Variants in TNS3 observed in about 807,000 individuals in gnomAD.
TNS3 encodes tensin 3.
A neutral mutation model predicts 140.9 loss-of-function variants in TNS3; 45 were observed. The observed-to-expected ratio is 0.32, with a 90% CI of 0.25 to 0.41. The LOEUF (loss-of-function observed/expected upper bound fraction) is 0.41, where lower values mean the gene tolerates loss of function less well. TNS3 is among the 10% of genes least tolerant of loss of function. TNS3 has a pLI of 1.00. For synonymous variants in TNS3, 815 were observed against 788.4 expected, an observed-to-expected ratio of 1.03 and a Z score of -0.56; for missense variants, 1,716 against 1,906.7, an observed-to-expected ratio of 0.90 and a Z score of 1.86.
At chr7:47,560,874 G>A (rs1048209100) in intron 1 of TNS3, among the ~76,000 whole-genome samples, 1 of 152,162 alleles carries the variant, frequency 6.6e-6, no homozygotes, top group African/African-American at 2.4e-5. Context: ...AAGCAACCCT[G>A]TGTGACCTTG....
At chr7:47,439,093 A>C (rs1795332563) in intron 6 of TNS3, among the ~76,000 whole-genome samples, 1 of 152,170 alleles carries the variant, frequency 6.6e-6, no homozygotes, top group Non-Finnish European at 1.5e-5. Context: ...TTGGGTGCCC[A>C]CCTAATTTGT....
intron 4 of TNS3, among the ~76,000 whole-genome samples, chr7:47,459,106 G>A (rs1355368774): frequency 6.6e-6 from 1 of 152,188 alleles, no homozygotes; most frequent in Non-Finnish European, 1.5e-5. Flanking sequence ...CAATTATCCA[G>A]ATGGAACATA....
chr7:47,492,927 T>G (rs1797866657), intron 3 of TNS3, among the ~76,000 whole-genome samples: 1 of 152,110 alleles, frequency 6.6e-6, no homozygotes, highest in Non-Finnish European at 1.5e-5. Context: ...GGCACTGAGC[T>G]CACAGGGAGC....
intron 4 of TNS3, among the ~76,000 whole-genome samples, chr7:47,480,842 C>A (rs1045471298): frequency 1.4e-4 from 22 of 152,308 alleles, no homozygotes; most frequent in African/African-American, 5.3e-4. Flanking sequence ...GGGAGATTCG[C>A]CCCGAAGGTA....
chr7:47,365,262 T>A (rs780175749), intron 17 of TNS3, among the ~76,000 whole-genome samples: 1 of 151,776 alleles, frequency 6.6e-6, no homozygotes, highest in Non-Finnish European at 1.5e-5. Flanking sequence ...TTGGCCAATA[T>A]GGTGAAACCC....
intron 16 of TNS3, among the ~76,000 whole-genome samples, chr7:47,389,104 GGAAGCAGAAGAAGAAGAAGAAGAA>G (rs1792328071): frequency 3.3e-5 from 1 of 29,982 alleles, no homozygotes. Flanking sequence ...AAGAGGAAGC[GGAAGCAGAAGAAGAAGAAGAAGAA>G]GAAGAAGAAG....
At position 47,283,874 on chromosome 7, in the gene TNS3, C is replaced by T. The variant is rs778898095; in HGVS notation, c.3929-9G>A. ...GTACCACACATTGCAGGCTGGAAGA[C>T]ACCAAGGGAGACACATGTTAGTTGC... On this transcript the variant is annotated splice_polypyrimidine_tract_variant and intron_variant, in intron 27 of 30. Transcript: ENST00000311160. 1 of 1,569,426 alleles carries T rather than the reference C, an allele frequency of 6.4e-7. No homozygotes were observed. The highest frequency in any genetic ancestry group is 8.6e-7 in the Non-Finnish European group (1 of 1,160,040).
intron 4 of TNS3, among the ~76,000 whole-genome samples, chr7:47,468,302 G>A (rs537794360): frequency 2.0e-5 from 3 of 152,244 alleles, no homozygotes; most frequent in Non-Finnish European, 4.4e-5. Context: ...TCATCCAGGC[G>A]TGGTGGCACA....
At chr7:47,527,195 C>T (rs1799228908) in intron 2 of TNS3, among the ~76,000 whole-genome samples, 1 of 152,116 alleles carries the variant, frequency 6.6e-6, no homozygotes, top group Admixed American at 6.5e-5. Flanking sequence ...CGAGATCGCG[C>T]CACTGCACTG....
rs1192645091 is a variant in TNS3, at chr7:47,365,095, G to A, written c.2281+3270C>T. 2.0e-5 allele frequency among the ~76,000 whole-genome samples: 3 copies of A among 152,174 alleles called. No individual in the cohort carries two copies. The East Asian group carries it at 5.8e-4, about 29-fold the overall frequency. On this transcript the variant is annotated intron_variant, in intron 17 of 30. Transcript: ENST00000311160. ...TATGAAAGTCCTTAGACTTCAAAAT[G>A]ATAATTAAATAACTTTTATAATAAA...
intron 4 of TNS3, among the ~76,000 whole-genome samples, chr7:47,460,664 C>G (rs996663924): frequency 6.6e-6 from 1 of 152,218 alleles, no homozygotes; most frequent in African/African-American, 2.4e-5. Flanking sequence ...GGTGTGGGGC[C>G]GGAATGGCCC....
At chr7:47,511,584 C>G (rs549069956) in intron 2 of TNS3, among the ~76,000 whole-genome samples, 1 of 151,730 alleles carries the variant, frequency 6.6e-6, no homozygotes, top group Non-Finnish European at 1.5e-5. Context: ...AGGACCCTAG[C>G]AGTGGGTGCC....
chr7:47,415,010 A>C, intron 11 of TNS3, 84 bp downstream of exon 11: 1 of 1,010,600 alleles, frequency 9.9e-7, no homozygotes, highest in East Asian at 2.8e-5. Context: ...AGGAAAGCCG[A>C]GGCTTATCTA....
At chr7:47,441,444 G>C (rs1281207219) in intron 5 of TNS3, among the ~76,000 whole-genome samples, 1 of 152,278 alleles carries the variant, frequency 6.6e-6, no homozygotes, top group Admixed American at 6.5e-5. Flanking sequence ...CCAAAGTGCT[G>C]GGATTACAAG....
chr7:47,313,496 C>T (rs909159910), intron 20 of TNS3, among the ~76,000 whole-genome samples: 6 of 152,266 alleles, frequency 3.9e-5, no homozygotes, highest in African/African-American at 1.4e-4. Flanking sequence ...GTTTATTAAT[C>T]AAGTTTAATA....
chr7:47,414,146 G>A (rs1042730514), intron 11 of TNS3, 149 bp from the exon 12 acceptor site: 2 of 769,910 alleles, frequency 2.6e-6, no homozygotes, highest in Non-Finnish European at 4.3e-6. Flanking sequence ...GGAGCCACAG[G>A]GTTGCTGCAG....
chr7:47,393,772 C>A (rs1488781711), intron 16 of TNS3, among the ~76,000 whole-genome samples: 2 of 152,164 alleles, frequency 1.3e-5, no homozygotes, highest in Non-Finnish European at 2.9e-5. Flanking sequence ...GTGTACCTGG[C>A]TGCCTTGGCG....
chr7:47,332,167 G>C (rs925170332), intron 20 of TNS3, among the ~76,000 whole-genome samples: 4 of 152,244 alleles, frequency 2.6e-5, no homozygotes, highest in African/African-American at 9.6e-5. Flanking sequence ...CAGAGAAAAT[G>C]CCCAGGCATT....
intron 17 of TNS3, among the ~76,000 whole-genome samples, chr7:47,361,578 T>C (rs1790339323): frequency 6.6e-6 from 1 of 152,180 alleles, no homozygotes; most frequent in African/African-American, 2.4e-5. Context: ...GATAAGCTGC[T>C]TTCTGAATCC....
Sources: allele counts gnomAD v4.1 joint callset (sites outside exome capture counted in the v4.1 genomes callset), GRCh38; gene constraint gnomAD v4.1.1; transcripts MANE v1.5; gene names NCBI Gene and HGNC (gene_info 2026-07-23, HGNC 2026-07-21).